Variants in THSD7B observed in about 807,000 individuals in gnomAD.
THSD7B encodes thrombospondin type-1 domain-containing protein 7B.
In THSD7B, 138 loss-of-function variants were observed where a neutral mutation model predicts 213.6. The ratio of observed to expected loss-of-function variants is 0.65; its 90% CI spans 0.56 to 0.74. The LOEUF is 0.74. Among genes scored for constraint, THSD7B ranks in the 30% least tolerant of loss-of-function variants. The pLI, the probability that THSD7B is intolerant of heterozygous loss-of-function variation, is 0.00. For missense variants in THSD7B, 1,931 were observed against 1,991.5 expected, an observed-to-expected ratio of 0.97 and a Z score of 0.58; for synonymous variants, 742 against 687.0, an observed-to-expected ratio of 1.08 and a Z score of -1.25.
At chr2:137,375,301 A>G (rs1490243364) in intron 12 of THSD7B, among the ~76,000 whole-genome samples, 1 of 152,116 alleles carries the variant, frequency 6.6e-6, no homozygotes. Flanking sequence ...TACACAAAAA[A>G]CCGGAGGTCA....
At chr2:137,297,361 T>C (rs1379654318) in intron 12 of THSD7B, among the ~76,000 whole-genome samples, 1 of 151,410 alleles carries the variant, frequency 6.6e-6, no homozygotes, top group African/African-American at 2.4e-5. Flanking sequence ...TTTTTTTTTT[T>C]CTTCTTTCCC....
At chr2:137,547,501 G>A (rs959499365) in intron 15 of THSD7B, among the ~76,000 whole-genome samples, 37 of 151,826 alleles carry the variant, frequency 2.4e-4, no homozygotes, top group African/African-American at 9.0e-4. Flanking sequence ...TCTCTTTAAG[G>A]CTATATTATA....
chr2:136,918,272 A>G (rs1361413215), intron 2 of THSD7B, among the ~76,000 whole-genome samples: 1 of 152,172 alleles, frequency 6.6e-6, no homozygotes, highest in Non-Finnish European at 1.5e-5. Context: ...ACCTTTCGTT[A>G]TATTATCTCC....
At chr2:137,562,718 G>A (rs1681147718) in intron 15 of THSD7B, among the ~76,000 whole-genome samples, 1 of 151,880 alleles carries the variant, frequency 6.6e-6, no homozygotes, top group Admixed American at 6.6e-5. Flanking sequence ...ATGATTGCCT[G>A]TTAGCATTGA....
At chr2:137,617,001 G>A (rs1682399436) in intron 18 of THSD7B, among the ~76,000 whole-genome samples, 1 of 151,780 alleles carries the variant, frequency 6.6e-6, no homozygotes, top group Non-Finnish European at 1.5e-5. Flanking sequence ...CCACATGCCT[G>A]CAGAGGCAAA....
chr2:137,243,365 A>G (rs533321058), intron 10 of THSD7B, among the ~76,000 whole-genome samples: 4 of 152,270 alleles, frequency 2.6e-5, no homozygotes, highest in African/African-American at 4.8e-5. Flanking sequence ...TTACCATTGC[A>G]TGGTTACAAA....
chr2:137,152,897 C>T (rs1329062817), intron 5 of THSD7B, among the ~76,000 whole-genome samples: 1 of 152,096 alleles, frequency 6.6e-6, no homozygotes, highest in Non-Finnish European at 1.5e-5. Context: ...TTTTCTTGAC[C>T]ACTTCCCTAT....
At position 137,556,299 on chromosome 2, in the gene THSD7B, C is replaced by T. The variant is rs369826931; in HGVS notation, c.3139-6922C>T. Reference sequence around the variant, plus strand: ...GTTAAGGGCAGACAGAGAGAAAGGTCGGGTTACCCACAAAGGGAAGCCCAT... The same window carrying T: ...GTTAAGGGCAGACAGAGAGAAAGGTTGGGTTACCCACAAAGGGAAGCCCAT... On this transcript the variant is annotated intron_variant, in intron 15 of 27. Coordinates refer to ENST00000409968, the MANE Select transcript of THSD7B (RefSeq NM_001316349.2). 6.8e-4 allele frequency among the ~76,000 whole-genome samples: 104 copies of T among 152,210 alleles called. 1 individual carries two copies. In the East Asian group the frequency reaches 0.013, roughly 18 times the overall value.
intron 2 of THSD7B, among the ~76,000 whole-genome samples, chr2:137,021,592 T>A (rs926732060): frequency 1.3e-5 from 2 of 152,194 alleles, no homozygotes; most frequent in Non-Finnish European, 2.9e-5. Context: ...TAGTACAGAT[T>A]TCCCATGTGT....
intron 1 of THSD7B, among the ~76,000 whole-genome samples, chr2:136,875,488 A>G (rs1234846061): frequency 5.2e-5 from 2 of 38,564 alleles, no homozygotes; most frequent in South Asian, 9.2e-4. Flanking sequence ...CATGCAGCAC[A>G]TATTTTTTAG....
intron 7 of THSD7B, among the ~76,000 whole-genome samples, chr2:137,225,606 T>C (rs1432657945): frequency 1.3e-5 from 2 of 152,112 alleles, no homozygotes; most frequent in Non-Finnish European, 2.9e-5. Context: ...GGTGTAACAA[T>C]AGTGCCAAAC....
At chr2:137,622,934 T>C (rs536657973) in intron 20 of THSD7B, among the ~76,000 whole-genome samples, 75 of 152,314 alleles carry the variant, frequency 4.9e-4, no homozygotes, top group South Asian at 8.3e-4. Context: ...TCTGAAACTA[T>C]TCCAATCAAT....
At chr2:137,654,670 T>C (rs1347782991) in intron 21 of THSD7B, among the ~76,000 whole-genome samples, 1 of 152,190 alleles carries the variant, frequency 6.6e-6, no homozygotes, top group Admixed American at 6.5e-5. Context: ...CACTTCTCTG[T>C]GGCACCAGGA....
chr2:136,813,256 T>G (rs1165682687), intron 1 of THSD7B, among the ~76,000 whole-genome samples: 2 of 152,102 alleles, frequency 1.3e-5, no homozygotes, highest in Non-Finnish European at 2.9e-5. Context: ...ACAGTCTTTC[T>G]TTTTTTATTA....
chr2:136,882,858 T>G (rs529289694), intron 2 of THSD7B, among the ~76,000 whole-genome samples: 1 of 152,312 alleles, frequency 6.6e-6, no homozygotes, highest in African/African-American at 2.4e-5. Context: ...TTATCCTTTA[T>G]GTATATGAAT....
At chr2:137,525,995 G>A (rs1680270050) in intron 15 of THSD7B, among the ~76,000 whole-genome samples, 1 of 151,958 alleles carries the variant, frequency 6.6e-6, no homozygotes, top group Admixed American at 6.6e-5. Flanking sequence ...TTGTTTCCTT[G>A]CCATGACTCT....
intron 20 of THSD7B, among the ~76,000 whole-genome samples, chr2:137,630,329 C>T (rs1682717774): frequency 1.3e-5 from 2 of 152,082 alleles, no homozygotes; most frequent in South Asian, 4.1e-4. Context: ...TTGAGTGGTA[C>T]AAAGAGGAAT....
chr2:137,405,628 C>G lies in THSD7B; in HGVS notation c.2516C>G (p.Ser839Cys). The part of the protein sequence containing the change: ...GLQTRAVSCI[S>C]DDNRSAEMME... ...TTTTTTTCAGCTGTCTCATGCATCT[C>G]TGATGACAACCGGTCAGCAGAAATG... The change falls in exon 13 of 28, where the codon TCT becomes TGT. Residue 839 changes from serine (S) to cysteine (C), a missense_variant. Coordinates refer to ENST00000409968, the MANE Select transcript of THSD7B (RefSeq NM_001316349.2). 1.2e-6 allele frequency: 2 copies of G among 1,606,776 alleles called. No homozygotes were observed. Among genetic ancestry groups the G allele is most frequent in the Non-Finnish European group, 1.7e-6 (2 of 1,177,050 alleles).
chr2:137,188,176 A>G (rs933027467), intron 7 of THSD7B, among the ~76,000 whole-genome samples: 1 of 152,158 alleles, frequency 6.6e-6, no homozygotes, highest in Non-Finnish European at 1.5e-5. Context: ...ATTGAATTCA[A>G]CCCTTTCATT....
Sources: gnomAD v4.1 joint callset for allele counts (sites outside exome capture counted in the v4.1 genomes callset) on GRCh38, gnomAD v4.1.1 for gene constraint, MANE v1.5 for transcripts, NCBI Gene and HGNC (gene_info 2026-07-23, HGNC 2026-07-21) for gene names.